The following TNPO2 variants were observed in gnomAD, a reference collection of about 807,000 sequenced individuals.
TNPO2 encodes the protein transportin-2.
Under a neutral mutation model 111.1 loss-of-function variants are expected in TNPO2, and 16 were observed. The observed-to-expected ratio is 0.14, with a 90% confidence interval of 0.10 to 0.22. The LOEUF is 0.22. Among genes scored for constraint, TNPO2 ranks in the 10% least tolerant of loss-of-function variants. The pLI is 1.00. For missense variants in TNPO2, 530 were observed against 1,173.7 expected, an observed-to-expected ratio of 0.45 and a Z score of 8.01; for synonymous variants, 481 against 475.8, an observed-to-expected ratio of 1.01 and a Z score of -0.14.
chr19:12,703,061 C>T (rs907947603), intron 20 of TNPO2, 143 bp from the exon 21 acceptor site: 27 of 711,090 alleles, frequency 3.8e-5, no homozygotes, highest in African/African-American at 7.1e-5. Context: ...AGACCTTCTC[C>T]GGCTAATCCC....
intron 1 of TNPO2, 38 bp downstream of exon 1, chr19:12,723,731 C>A (rs1967158500): frequency 6.6e-6 from 1 of 152,224 alleles, no homozygotes; most frequent in Admixed American, 6.6e-5. Context: ...TCAATTTTTG[C>A]CCCTGCCTGA....
At chr19:12,718,170 A>C (rs867403953) in intron 5 of TNPO2, among the ~76,000 whole-genome samples, 2 of 142,204 alleles carry the variant, frequency 1.4e-5, no homozygotes, top group African/African-American at 6.1e-5. Context: ...ACGCCCAGCT[A>C]ATTTTTTTTT....
At position 12,719,009 on chromosome 19, in the gene TNPO2, A is replaced by T. The variant is rs756638067; in HGVS notation, c.325+20T>A. ...GAGTTCAGTGTGTCCTCAGAGGCCA[A>T]CCCCCGCTGCCCCTCTCACCAATGG... is the stretch of plus-strand genomic sequence containing the variant. On this transcript the variant is annotated intron_variant, in intron 5 of 25. Transcript: ENST00000425528. The surrounding 1 kb of genome is among the most constrained non-coding windows in gnomAD (Gnocchi z 5.0). 1.9e-6 allele frequency: 3 copies of T among 1,612,296 alleles called. No homozygotes were observed. In the South Asian group the frequency reaches 3.3e-5, roughly 18 times the overall value.
intron 10 of TNPO2, among the ~76,000 whole-genome samples, chr19:12,713,520 C>T (rs8100226): frequency 0.019 from 2,347 of 121,016 alleles, 69 homozygotes; most frequent in African/African-American, 0.13. Flanking sequence ...AATAAATAAA[C>T]ATACAATATG....
rs1312041134 is a variant in TNPO2 at position 12,721,863 on chromosome 19, G to GC, written c.-13-874dup. On this transcript the variant is annotated intron_variant, in intron 2 of 25. Coordinates refer to ENST00000425528, the MANE Select transcript of TNPO2 (RefSeq NM_001382241.1). This position sits in a 1 kb window ranked among gnomAD's most constrained non-coding sequence, Gnocchi z 4.9. Reference sequence around the variant, plus strand: ...GCCTCTCCCAGTCAAGTTCGGCCGAGCCCCCCACCACCTCGTGTCAGTAAC... The same window carrying GC: ...GCCTCTCCCAGTCAAGTTCGGCCGAGCCCCCCCACCACCTCGTGTCAGTAAC... The GC allele has an allele frequency of 1.3e-5, 2 of 152,554 alleles. No homozygotes were observed. The highest frequency in any genetic ancestry group is 4.9e-5 in the African/African-American group (2 of 41,006). 9.5% of individuals were successfully genotyped at this position (152,554 alleles called of 1,614,324 possible). A position where few individuals can be genotyped will look rare whatever the true frequency, so the allele number is the denominator to read the frequency against.
chr19:12,710,845 C>T (rs980061414), intron 12 of TNPO2, 72 bp from the exon 13 acceptor site: 4 of 1,377,462 alleles, frequency 2.9e-6, no homozygotes, highest in Middle Eastern at 2.1e-4. Flanking sequence ...CTTGACTGCA[C>T]TCCCAGGATC....
At position 12,719,444 on chromosome 19, in the gene TNPO2, T is replaced by TG; in HGVS notation, c.100-109dup. On this transcript the variant is annotated intron_variant, in intron 3 of 25. Transcript: ENST00000425528. The surrounding 1 kb of genome is among the most constrained non-coding windows in gnomAD (Gnocchi z 5.0). ...CCACTGGGACCAGGCTGCCAGCTCC[T>TG]GGGGGATCCCGCTCCCTAATAAGCC... 2.2e-6 allele frequency: 2 copies of TG among 905,176 alleles called. No homozygotes were observed. The highest frequency in any genetic ancestry group is 3.6e-6 in the Non-Finnish European group (2 of 560,646). The allele number at this position is 905,176 out of a possible 1,614,324, so 56.1% of individuals were successfully genotyped here.
chr19:12,712,791 G>C (rs1438907522), intron 10 of TNPO2, among the ~76,000 whole-genome samples: 2 of 152,172 alleles, frequency 1.3e-5, no homozygotes, highest in African/African-American at 4.8e-5. Context: ...GCGCATTGGT[G>C]GTAGTGGTCC....
Position 12,705,834 on chromosome 19 carries a change from T to C in TNPO2, c.1669-66A>G. ...TGGCAGACTGTGACTCAGGTACCTG[T>C]TGCCCGAGTGATGAGGCCTGAGCGC... On this transcript the variant is annotated intron_variant, in intron 15 of 25. Transcript: ENST00000425528. The surrounding 1 kb of genome is among the most constrained non-coding windows in gnomAD (Gnocchi z 7.2). The C allele has an allele frequency of 1.7e-6, 2 of 1,179,250 alleles. No homozygotes were observed. Among genetic ancestry groups the C allele is most frequent in the South Asian group, 3.2e-5 (2 of 61,940 alleles). 73.0% of individuals were successfully genotyped at this position (1,179,250 alleles called of 1,614,324 possible).
intron 18 of TNPO2, among the ~76,000 whole-genome samples, chr19:12,704,961 C>T (rs540859294): frequency 2.0e-5 from 3 of 152,150 alleles, no homozygotes; most frequent in African/African-American, 7.2e-5. Flanking sequence ...GGATTATAGG[C>T]GTGAGCACCT....
At chr19:12,716,129 C>A (rs1032029609) in intron 5 of TNPO2, among the ~76,000 whole-genome samples, 5 of 152,182 alleles carry the variant, frequency 3.3e-5, no homozygotes, top group Admixed American at 1.3e-4. Context: ...CCTTGGCCTC[C>A]AAAAGCACTG....
At position 12,715,473 on chromosome 19, in the gene TNPO2, G is replaced by A. The variant is rs2026311524; in HGVS notation, c.498C>T (p.Leu166=). The change falls in exon 7 of 26, where the codon CTC becomes CTT. Residue 166 remains leucine (L), a synonymous_variant. Coordinates refer to ENST00000425528, the MANE Select transcript of TNPO2 (RefSeq NM_001382241.1). This position sits in a 1 kb window ranked among gnomAD's most constrained non-coding sequence, Gnocchi z 7.1. Reference sequence around the variant, plus strand: ...GGATCATGATGTTGAGGGGCCTGTTGAGGGCGTCACTGTCCAGAAGCTCTG... The same window carrying A: ...GGATCATGATGTTGAGGGGCCTGTTAAGGGCGTCACTGTCCAGAAGCTCTG... ...DSSELLDSDA[L]NRPLNIMIPK... The A allele has an allele frequency of 6.2e-7, 1 of 1,613,868 alleles. No homozygotes were observed. The highest frequency in any genetic ancestry group is 8.5e-7 in the Non-Finnish European group (1 of 1,179,886).
At position 12,714,040 on chromosome 19, in the gene TNPO2, G is replaced by C. The variant is rs574518728; in HGVS notation, c.890+781C>G. 1.3e-4 allele frequency among the ~76,000 whole-genome samples: 19 copies of C among 151,926 alleles called. No individual in the cohort carries two copies. The South Asian group carries it at 3.9e-3, about 32-fold the overall frequency. ...CAAAACCTTGTCTCAAAATAAAAAA[G>C]AAAAAAATGATTTGGAGAGAGGCAA... On this transcript the variant is annotated intron_variant, in intron 10 of 25. Coordinates refer to ENST00000425528, the MANE Select transcript of TNPO2 (RefSeq NM_001382241.1).
Position 12,715,710 on chromosome 19 carries a change from C to T in TNPO2, c.355G>A (p.Gly119Ser), listed in dbSNP as rs773716601. Residue 119 changes from glycine to serine, a missense_variant, in exon 6 of 26, where the codon GGT (glycine) becomes AGT (serine). Physicochemically the swap from Gly to Ser is moderately conservative, Grantham distance 56. Coordinates refer to ENST00000425528, the MANE Select transcript of TNPO2 (RefSeq NM_001382241.1). The surrounding 1 kb of genome is among the most constrained non-coding windows in gnomAD (Gnocchi z 7.1). ...AGCTCGGGCCACATCTGCAGCTCAC[C>T]CTTGGAAGCGATGGTGGTGATGAGA... ...GILITTIASK[G>S]ELQMWPELLP... is the part of the protein sequence containing the mutation. The T allele has an allele frequency of 6.2e-7, 1 of 1,613,118 alleles. No individual in the cohort carries two copies. The highest frequency in any genetic ancestry group is 8.5e-7 in the Non-Finnish European group (1 of 1,179,640).
chr19:12,720,300 T>C (rs1230059840), intron 3 of TNPO2, among the ~76,000 whole-genome samples: 1 of 151,900 alleles, frequency 6.6e-6, no homozygotes, highest in Non-Finnish European at 1.5e-5. Context: ...ATTGCAGGCG[T>C]GAACCACCGC....
At chr19:12,711,273 C>A in intron 12 of TNPO2, 23 bp downstream of exon 12, 1 of 1,606,812 alleles carries the variant, frequency 6.2e-7, no homozygotes, top group Non-Finnish European at 8.5e-7. Flanking sequence ...ACCCCACCAC[C>A]ACCCCCAGGC....
chr19:12,715,774 G>C lies in TNPO2; in HGVS notation c.326-35C>G, dbSNP rs2026325648. 1 of 1,545,296 alleles carries C rather than the reference G, an allele frequency of 6.5e-7. No individual in the cohort carries two copies. Among genetic ancestry groups the C allele is most frequent in the Admixed American group, 1.9e-5 (1 of 53,758 alleles). On this transcript the variant is annotated intron_variant, in intron 5 of 25. Transcript: ENST00000425528. The surrounding 1 kb of genome is among the most constrained non-coding windows in gnomAD (Gnocchi z 7.1). ...CCGGGAAAGGACGCTGCCTGAGGCT[G>C]GGCAGGGGCTGCCTAGCACCTCCCC...
rs781336625 is a variant in TNPO2 at position 12,719,366 on chromosome 19, A to G, written c.100-30T>C. On this transcript the variant is annotated intron_variant, in intron 3 of 25. Transcript: ENST00000425528. The surrounding 1 kb of genome is among the most constrained non-coding windows in gnomAD (Gnocchi z 5.0). The stretch of plus-strand genomic sequence containing the variant: ...CAGGCTGTTAAGGGACTTGGAAGAC[A>G]GAGGCCTTCCCCCAGCCAGGTCCCC... The G allele has an allele frequency of 6.2e-7, 1 of 1,600,808 alleles. No individual in the cohort carries two copies. The highest frequency in any genetic ancestry group is 1.1e-5 in the South Asian group (1 of 90,650).
chr19:12,711,356 C>T lies in TNPO2; in HGVS notation c.1057G>A (p.Asp353Asn), dbSNP rs1432270766. The T allele has an allele frequency of 1.2e-6, 2 of 1,614,042 alleles. No individual in the cohort carries two copies. The highest frequency in any genetic ancestry group is 1.1e-5 in the South Asian group (1 of 91,084). The change falls in exon 12 of 26, where the codon GAT becomes AAT. Residue 353 changes from aspartate (D) to asparagine (N), a missense_variant. By Grantham distance (23) the Asp-to-Asn change is conservative. Transcript: ENST00000425528. ...TCATCCTCCGCGTCCTCGGAGCCAT[C>T]AGGCCGCTCAGCCTCGTGGGGCAGT... ...VTLPHEAERP[D>N]GSEDAEDDDD...
Sources: allele counts gnomAD v4.1 joint callset (sites outside exome capture counted in the v4.1 genomes callset), GRCh38; gene constraint gnomAD v4.1.1; non-coding constraint Gnocchi (gnomAD v3.1); transcripts MANE v1.5; gene names NCBI Gene and HGNC (gene_info 2026-07-23, HGNC 2026-07-21).